Variants in ESRRG observed in about 807,000 individuals in gnomAD.
The protein encoded by ESRRG is estrogen-related receptor gamma.
ESRRG carries 13 observed loss-of-function variants against 44.0 expected under a neutral mutation model. The observed-to-expected ratio is 0.30, with a 90% CI of 0.19 to 0.47. The LOEUF is 0.47. Ranked by LOEUF, ESRRG falls within the 20% of genes least tolerant of loss-of-function variation. The pLI, the probability that ESRRG is intolerant of heterozygous loss-of-function variation, is 1.00. For missense variants in ESRRG, 395 were observed against 580.6 expected, an observed-to-expected ratio of 0.68 and a Z score of 3.29; for synonymous variants, 215 against 214.6, an observed-to-expected ratio of 1.00 and a Z score of -0.02.
chr1:216,750,196 A>C (rs974339173), intron 2 of ESRRG, among the ~76,000 whole-genome samples: 1 of 152,124 alleles, frequency 6.6e-6, no homozygotes, highest in Non-Finnish European at 1.5e-5. Context: ...GCAATTCTGC[A>C]GTTCTCCTGT....
chr1:217,016,467 T>A (rs1481265498), intron 1 of ESRRG, among the ~76,000 whole-genome samples: 1 of 152,156 alleles, frequency 6.6e-6, no homozygotes, highest in Non-Finnish European at 1.5e-5. Flanking sequence ...TGTAAACTAC[T>A]CTCCAAATCT....
intron 2 of ESRRG, among the ~76,000 whole-genome samples, chr1:216,879,952 C>T (rs959155531): frequency 1.3e-5 from 2 of 151,936 alleles, no homozygotes; most frequent in Non-Finnish European, 2.9e-5. Context: ...TCTTAAATGC[C>T]TCTGTATTGA....
rs755104959 is a variant in ESRRG at position 216,879,484 on chromosome 1, C to CAAA, written c.-14+60095_-14+60097dup. ...ACTCTTGAGGGGAAAAAAAGGCCAC[C>CAAA]AAAAAAAAAAAAAAAAAAAAAGAAG... On this transcript the variant is annotated intron_variant, in intron 2 of 7. Coordinates refer to the ESRRG transcript ENST00000359162. 9.6e-3 allele frequency among the ~76,000 whole-genome samples: 855 copies of CAAA among 89,058 alleles called. 8 individuals are homozygous for CAAA. The highest frequency in any genetic ancestry group is 0.022 in the African/African-American group (563 of 25,650). 58.4% of individuals were successfully genotyped at this position (89,058 alleles called of 152,430 possible).
intron 3 of ESRRG, among the ~76,000 whole-genome samples, chr1:216,575,649 C>A (rs1269570819): frequency 1.3e-5 from 2 of 152,062 alleles, no homozygotes; most frequent in African/African-American, 4.8e-5. Flanking sequence ...TAGTAAGAGG[C>A]AGAAACAGGA....
At chr1:216,774,753 CAATT>C (rs954218310) in intron 2 of ESRRG, among the ~76,000 whole-genome samples, 4 of 146,328 alleles carry the variant, frequency 2.7e-5, no homozygotes, top group Non-Finnish European at 6.0e-5. Flanking sequence ...AATATAGAAA[CAATT>C]AATTAAGGTA....
chr1:216,507,705 C>A (rs2041573793), intron 6 of ESRRG, among the ~76,000 whole-genome samples: 1 of 152,164 alleles, frequency 6.6e-6, no homozygotes, highest in Admixed American at 6.5e-5. Context: ...ATACAGAAAT[C>A]ACAATAAATT....
rs536295831 is a variant in ESRRG, at chr1:216,913,652, C to T, written c.-14+25930G>A. The stretch of plus-strand genomic sequence containing the variant: ...CCTTGCCGATTCCTCAAGCGTGCTG[C>T]ATCTGTTTCCTAGTTCTAAGATGGG... On this transcript the variant is annotated intron_variant, in intron 2 of 7. Transcript: ENST00000359162. 2.0e-5 allele frequency among the ~76,000 whole-genome samples: 3 copies of T among 152,382 alleles called. No individual in the cohort carries two copies. In the East Asian group the frequency reaches 5.8e-4, roughly 29 times the overall value.
chr1:216,698,448 GGCGGAGCTT>G (rs370355467), intron 1 of ESRRG, among the ~76,000 whole-genome samples: 3 of 151,006 alleles, frequency 2.0e-5, no homozygotes, highest in African/African-American at 7.3e-5. Flanking sequence ...GAACCCGGGA[GGCGGAGCTT>G]GCAGTGAGCC....
intron 2 of ESRRG, among the ~76,000 whole-genome samples, chr1:216,846,275 T>C (rs537386243): frequency 6.6e-5 from 10 of 152,262 alleles, no homozygotes; most frequent in African/African-American, 2.4e-4. Flanking sequence ...GGAGAGCGTA[T>C]TTCACTATAG....
intron 1 of ESRRG, among the ~76,000 whole-genome samples, chr1:217,048,081 C>T (rs926210058): frequency 6.6e-6 from 1 of 152,126 alleles, no homozygotes; most frequent in African/African-American, 2.4e-5. Context: ...TCAGGGTCCT[C>T]CCTAACTAGA....
chr1:217,059,475 G>C (rs1160764106), intron 1 of ESRRG, among the ~76,000 whole-genome samples: 1 of 152,106 alleles, frequency 6.6e-6, no homozygotes, highest in Non-Finnish European at 1.5e-5. Flanking sequence ...AGAAACTGCT[G>C]ATTTCAGGTC....
At chr1:216,818,965 T>G (rs12727957) in intron 2 of ESRRG, among the ~76,000 whole-genome samples, 86,967 of 151,972 alleles carry the variant, frequency 0.57, 25,558 homozygotes, top group Non-Finnish European at 0.64. Context: ...TATGGCTGCA[T>G]AGTATTCCAT....
chr1:216,849,003 C>A (rs1257589098), intron 2 of ESRRG, among the ~76,000 whole-genome samples: 1 of 151,992 alleles, frequency 6.6e-6, no homozygotes, highest in Non-Finnish European at 1.5e-5. Flanking sequence ...CTACCTATGA[C>A]CCATTAAATA....
chr1:217,013,353 T>G (rs78109968), intron 1 of ESRRG, among the ~76,000 whole-genome samples: 4 of 152,338 alleles, frequency 2.6e-5, no homozygotes, highest in African/African-American at 9.6e-5. Context: ...TGCATTACAC[T>G]AATGCAAAAA....
intron 3 of ESRRG, among the ~76,000 whole-genome samples, chr1:216,582,499 T>C (rs1259914601): frequency 1.3e-5 from 2 of 152,210 alleles, no homozygotes; most frequent in African/African-American, 4.8e-5. Flanking sequence ...TGGAATGCAG[T>C]GGCGTGATCT....
At chr1:216,921,314 C>T (rs534139797) in intron 2 of ESRRG, among the ~76,000 whole-genome samples, 56 of 152,032 alleles carry the variant, frequency 3.7e-4, no homozygotes, top group Admixed American at 2.8e-3. Flanking sequence ...ACTTACTCTG[C>T]GCTCCCTCTG....
intron 1 of ESRRG, among the ~76,000 whole-genome samples, chr1:217,039,358 C>A (rs139379127): frequency 6.6e-6 from 1 of 152,074 alleles, no homozygotes. Context: ...AATATGTACC[C>A]GAGACTGGGC....
intron 1 of ESRRG, among the ~76,000 whole-genome samples, chr1:216,986,552 T>TAAG (rs747543291): frequency 1.3e-5 from 2 of 151,152 alleles, no homozygotes; most frequent in Admixed American, 6.6e-5. Flanking sequence ...CTCTGTAAAA[T>TAAG]AATAATAATA....
chr1:217,099,361 G>C (rs2092471775), intron 1 of ESRRG, among the ~76,000 whole-genome samples: 1 of 139,374 alleles, frequency 7.2e-6, no homozygotes, highest in East Asian at 2.2e-4. Context: ...ACAACAATTA[G>C]ACCTGTGAGC....
Sources: allele counts gnomAD v4.1 joint callset (sites outside exome capture counted in the v4.1 genomes callset), GRCh38; gene constraint gnomAD v4.1.1; transcripts MANE v1.5; gene names NCBI Gene and HGNC (gene_info 2026-07-23, HGNC 2026-07-21).